The following TRPC4 variants were observed in gnomAD, a reference collection of about 807,000 sequenced individuals.
The protein encoded by TRPC4 is transient receptor potential cation channel subfamily C member 4.
TRPC4 carries 49 observed loss-of-function variants against 99.4 expected under a neutral mutation model. That is an observed-to-expected ratio of 0.49 (90% confidence interval 0.39 to 0.63). The LOEUF (loss-of-function observed/expected upper bound fraction) is 0.63. Ranked by LOEUF, TRPC4 falls within the 20% of genes least tolerant of loss-of-function variation. The probability of loss-of-function intolerance (pLI) is 0.00; values close to 1 mark genes in which losing one functional copy is unlikely to be tolerated. For synonymous variants in TRPC4, 454 were observed against 425.9 expected (o/e 1.07, Z -0.81); for missense variants, 898 against 1,152.9 (o/e 0.78, Z 3.20).
chr13:37,843,549 T>C (rs1468696535), intron 1 of TRPC4, among the ~76,000 whole-genome samples: 1 of 152,138 alleles, frequency 6.6e-6, no homozygotes, highest in East Asian at 1.9e-4. Context: ...TATGTGATTC[T>C]TTACAAAATA....
chr13:37,868,066 T>C (rs1231586697), intron 1 of TRPC4, among the ~76,000 whole-genome samples: 1 of 152,196 alleles, frequency 6.6e-6, no homozygotes, highest in Non-Finnish European at 1.5e-5. Flanking sequence ...ATTTGGTCTC[T>C]TACTGGTCTA....
intron 2 of TRPC4, among the ~76,000 whole-genome samples, chr13:37,779,423 A>T (rs1593722613): frequency 7.8e-6 from 1 of 128,512 alleles, no homozygotes; most frequent in Admixed American, 7.4e-5. Flanking sequence ...TCTTCTCATT[A>T]AAAAAAAAAA....
intron 2 of TRPC4, among the ~76,000 whole-genome samples, chr13:37,756,025 A>G (rs940101872): frequency 6.6e-6 from 1 of 152,128 alleles, no homozygotes; most frequent in Non-Finnish European, 1.5e-5. Flanking sequence ...ATACACAGAG[A>G]CTGTTTGATT....
At chr13:37,727,958 T>C (rs982303058) in intron 3 of TRPC4, among the ~76,000 whole-genome samples, 1 of 152,074 alleles carries the variant, frequency 6.6e-6, no homozygotes, top group Non-Finnish European at 1.5e-5. Flanking sequence ...ATTTTCTCAA[T>C]TGATTCAGGA....
chr13:37,774,096 G>T (rs1398406916), intron 2 of TRPC4, among the ~76,000 whole-genome samples: 1 of 151,612 alleles, frequency 6.6e-6, no homozygotes, highest in African/African-American at 2.4e-5. Context: ...TTCCCTCAGG[G>T]ACTCCAGAAA....
chr13:37,854,769 A>G (rs190560926), intron 1 of TRPC4: 1 of 152,194 alleles, frequency 6.6e-6, no homozygotes, highest in East Asian at 1.9e-4. Flanking sequence ...GAAAATACAA[A>G]CCAAAAACTT....
intron 3 of TRPC4, among the ~76,000 whole-genome samples, chr13:37,741,798 G>A (rs1234600984): frequency 6.6e-6 from 1 of 152,098 alleles, no homozygotes; most frequent in Non-Finnish European, 1.5e-5. Context: ...GCAGGATGAT[G>A]TCTGGGTGGA....
chr13:37,668,807 G>A (rs1177199861), intron 5 of TRPC4, among the ~76,000 whole-genome samples: 2 of 152,164 alleles, frequency 1.3e-5, no homozygotes, highest in African/African-American at 2.4e-5. Flanking sequence ...GTTTTAATGT[G>A]TGCTTTACAT....
At position 37,770,721 on chromosome 13, in the gene TRPC4, C is replaced by T. The variant is rs540802615; in HGVS notation, c.378+12235G>A. 5.7e-4 allele frequency among the ~76,000 whole-genome samples: 86 copies of T among 151,512 alleles called. 1 individual carries two copies. The highest frequency in any genetic ancestry group is 2.0e-3 in the African/African-American group (82 of 41,428). On this transcript the variant is annotated intron_variant, in intron 2 of 10. Transcript: ENST00000379705. Reference sequence around the variant, plus strand: ...TTAGCAACATTTAACATTAATTTATCGAATACACATTTTTAAAGTTTAAGC... The same window carrying T: ...TTAGCAACATTTAACATTAATTTATTGAATACACATTTTTAAAGTTTAAGC...
intron 2 of TRPC4, among the ~76,000 whole-genome samples, chr13:37,754,624 A>G (rs1256782599): frequency 2.0e-5 from 3 of 152,208 alleles, no homozygotes; most frequent in South Asian, 4.1e-4. Flanking sequence ...AAACAAAAGT[A>G]GAAGAGGCAA....
At chr13:37,824,084 G>A (rs1170829132) in intron 1 of TRPC4, among the ~76,000 whole-genome samples, 1 of 147,932 alleles carries the variant, frequency 6.8e-6, no homozygotes, top group Non-Finnish European at 1.5e-5. Flanking sequence ...GTCTGTTGTT[G>A]GTGTATAAGA....
At chr13:37,771,766 T>C (rs1485286006) in intron 2 of TRPC4, among the ~76,000 whole-genome samples, 3 of 151,724 alleles carry the variant, frequency 2.0e-5, no homozygotes, top group African/African-American at 2.4e-5. Flanking sequence ...AGGAAATCTG[T>C]TGGGTATATG....
intron 3 of TRPC4, among the ~76,000 whole-genome samples, chr13:37,697,597 A>G (rs1953950788): frequency 1.3e-5 from 2 of 152,318 alleles, no homozygotes; most frequent in East Asian, 1.9e-4. Flanking sequence ...AACTGTGGCC[A>G]TATTTTGGGA....
chr13:37,851,345 GACATTTT>G (rs1218207410), intron 1 of TRPC4, among the ~76,000 whole-genome samples: 1 of 152,070 alleles, frequency 6.6e-6, no homozygotes, highest in Non-Finnish European at 1.5e-5. Flanking sequence ...AAAAGTATGA[GACATTTT>G]AATTTAAAAA....
intron 4 of TRPC4, among the ~76,000 whole-genome samples, chr13:37,676,629 C>T (rs1324112811): frequency 6.6e-6 from 1 of 152,054 alleles, no homozygotes. Flanking sequence ...CCTCGGCCTC[C>T]CAAAGTGCTG....
chr13:37,745,503 T>C (rs905476892), intron 3 of TRPC4, among the ~76,000 whole-genome samples: 1 of 129,356 alleles, frequency 7.7e-6, no homozygotes, highest in Non-Finnish European at 1.6e-5. Flanking sequence ...TATATACGTA[T>C]ATATGTATAT....
chr13:37,865,865 G>T (rs1191966825), intron 1 of TRPC4, among the ~76,000 whole-genome samples: 1 of 151,698 alleles, frequency 6.6e-6, no homozygotes, highest in Non-Finnish European at 1.5e-5. Flanking sequence ...TTGTTAAAAT[G>T]TGATAATACT....
intron 1 of TRPC4, among the ~76,000 whole-genome samples, chr13:37,825,250 G>C: frequency 6.6e-6 from 1 of 151,656 alleles, no homozygotes; most frequent in Non-Finnish European, 1.5e-5. Flanking sequence ...TTTTTTGAAG[G>C]GTTTTTTGTG....
intron 4 of TRPC4, among the ~76,000 whole-genome samples, chr13:37,675,098 T>C (rs887715155): frequency 3.3e-5 from 5 of 152,140 alleles, no homozygotes; most frequent in African/African-American, 9.7e-5. Flanking sequence ...AGGGTAAATA[T>C]GATGTCATAA....
Sources: allele counts gnomAD v4.1 joint callset (sites outside exome capture counted in the v4.1 genomes callset), GRCh38; gene constraint gnomAD v4.1.1; transcripts MANE v1.5; gene names NCBI Gene and HGNC (gene_info 2026-07-23, HGNC 2026-07-21).